The following STX3 variants were observed in gnomAD, a reference collection of about 807,000 sequenced individuals.
STX3 encodes the protein syntaxin-3.
Under a neutral mutation model 40.2 loss-of-function variants are expected in STX3, and 19 were observed. The observed-to-expected ratio is 0.47, with a 90% CI of 0.33 to 0.69. The LOEUF (loss-of-function observed/expected upper bound fraction) is 0.69. STX3 is among the 30% of genes least tolerant of loss of function. The probability of loss-of-function intolerance (pLI) is 0.02; values close to 1 mark genes in which losing one functional copy is unlikely to be tolerated. For missense variants in STX3, 364 were observed against 366.7 expected, an observed-to-expected ratio of 0.99 and a Z score of 0.06; for synonymous variants, 122 against 132.2, an observed-to-expected ratio of 0.92 and a Z score of 0.53.
chr11:59,793,075 C>T (rs375516081), intron 6 of STX3, 24 bp from the exon 7 acceptor site: 63 of 1,610,244 alleles, frequency 3.9e-5, no homozygotes, highest in Admixed American at 2.5e-4. Context: ...TTATATTTGA[C>T]GCTCTACTTC....
At chr11:59,767,339 T>C (rs1481403828) in intron 1 of STX3, among the ~76,000 whole-genome samples, 1 of 152,188 alleles carries the variant, frequency 6.6e-6, no homozygotes, top group Non-Finnish European at 1.5e-5. Context: ...TTGTGTTTTT[T>C]ATTGTGGCTG....
chr11:59,800,554 G>A, intron 10 of STX3: 1 of 985,418 alleles, frequency 1.0e-6, no homozygotes, highest in Non-Finnish European at 1.2e-6. Context: ...TGTGGGACCT[G>A]CAGAGCAGGT....
At position 59,755,389 on chromosome 11, in the gene STX3, G is replaced by C. The variant is rs911417277; in HGVS notation, c.-217G>C. ...GGCCCGGGAGCCGGATTTGGAGCGCGAGGCGCCGGTGGGGGCGGAGGGGGC... is the reference window on the plus strand; with the variant it reads ...GGCCCGGGAGCCGGATTTGGAGCGCCAGGCGCCGGTGGGGGCGGAGGGGGC... On this transcript the variant is annotated 5_prime_UTR_variant, in exon 1 of 11. Coordinates refer to ENST00000337979, the MANE Select transcript of STX3 (RefSeq NM_004177.5). 4 of 378,980 alleles carry C rather than the reference G, an allele frequency of 1.1e-5. No individual in the cohort carries two copies. The Admixed American group carries it at 1.4e-4, about 14-fold the overall frequency. The allele number at this position is 378,980 out of a possible 1,614,324, so 23.5% of individuals were successfully genotyped here.
chr11:59,774,698 G>A (rs1442590358), intron 2 of STX3, among the ~76,000 whole-genome samples: 1 of 152,074 alleles, frequency 6.6e-6, no homozygotes, highest in South Asian at 2.1e-4. Flanking sequence ...GGGTGTGGTG[G>A]TGGGCACCTG....
intron 6 of STX3, among the ~76,000 whole-genome samples, chr11:59,792,473 G>T (rs1471770250): frequency 1.3e-5 from 2 of 152,168 alleles, no homozygotes; most frequent in African/African-American, 4.8e-5. Context: ...CCAAACAGTT[G>T]CTCTCTTGTG....
intron 2 of STX3, among the ~76,000 whole-genome samples, chr11:59,785,897 A>T (rs971443277): frequency 5.3e-5 from 8 of 152,288 alleles, no homozygotes; most frequent in Non-Finnish European, 5.9e-5. Flanking sequence ...CCCTGTACAT[A>T]GGCTTCCACT....
chr11:59,781,778 G>A, intron 2 of STX3: 2 of 1,516,940 alleles, frequency 1.3e-6, no homozygotes, highest in Non-Finnish European at 1.8e-6. Flanking sequence ...AAGCAAAGAA[G>A]CAAACAAATT....
chr11:59,793,831 A>T, intron 8 of STX3, among the ~76,000 whole-genome samples: 1 of 144,388 alleles, frequency 6.9e-6, no homozygotes, highest in African/African-American at 2.6e-5. Flanking sequence ...TTTAAGATGG[A>T]GTATTGCTCT....
In STX3 at chr11:59,773,304, C is replaced by T. The variant is rs1250840380; in HGVS notation, c.114+10C>T. On this transcript the variant is annotated intron_variant, in intron 2 of 10. Coordinates refer to ENST00000337979, the MANE Select transcript of STX3 (RefSeq NM_004177.5). ...CGAGTTCTTTTCTGAGGTAGGCAAC[C>T]TTCCTGTATTTTTTTCTAAATGTAC... 1.2e-6 allele frequency: 2 copies of T among 1,613,396 alleles called. No homozygotes were observed. The highest frequency in any genetic ancestry group is 1.3e-5 in the African/African-American group (1 of 74,870).
chr11:59,801,588 T>C lies in STX3; in HGVS notation c.*764T>C, dbSNP rs759914869. ...TGTCTGAGTCTTAGAAACTGGCTGC[T>C]CATTGTTAGAAAGTGATGCTTTGTG... On this transcript the variant is annotated 3_prime_UTR_variant, in exon 11 of 11. Transcript: ENST00000337979. 15 of 985,470 alleles carry C rather than the reference T, an allele frequency of 1.5e-5. No homozygotes were observed. The highest frequency in any genetic ancestry group is 1.8e-5 in the Non-Finnish European group (15 of 829,926). The allele number at this position is 985,470 out of a possible 1,614,324, so 61.0% of individuals were successfully genotyped here.
intron 8 of STX3, 129 bp from the exon 9 acceptor site, chr11:59,795,243 G>T: frequency 7.1e-6 from 5 of 704,280 alleles, no homozygotes; most frequent in Non-Finnish European, 9.6e-6. Context: ...TCCTATGGAA[G>T]GCCATGCATC....
chr11:59,779,214 A>G (rs1181408265), intron 2 of STX3, among the ~76,000 whole-genome samples: 1 of 152,200 alleles, frequency 6.6e-6, no homozygotes, highest in Non-Finnish European at 1.5e-5. Context: ...CTTATAAACA[A>G]TAAGAATGTG....
At chr11:59,783,685 A>C (rs1864567980) in intron 2 of STX3, among the ~76,000 whole-genome samples, 1 of 152,180 alleles carries the variant, frequency 6.6e-6, no homozygotes, top group Admixed American at 6.5e-5. Context: ...GCAAATGCAC[A>C]AAAGGAAACC....
Position 59,796,341 on chromosome 11 carries a change from G to A in STX3, c.786+859G>A, listed in dbSNP as rs538423216. ...GCCCCTGCCGCTTAAGGACTTCTAG[G>A]CTTCTGTGCTCACGACTGTGGTTAT... On this transcript the variant is annotated intron_variant, in intron 9 of 10. Coordinates refer to ENST00000337979, the MANE Select transcript of STX3 (RefSeq NM_004177.5). Among the ~76,000 whole-genome samples the A allele has an allele frequency of 4.6e-5, 7 of 152,268 alleles. No individual in the cohort carries two copies. In the East Asian group the frequency reaches 5.8e-4, roughly 13 times the overall value.
chr11:59,790,552 G>C lies in STX3; in HGVS notation c.323G>C (p.Arg108Thr). The C allele has an allele frequency of 6.2e-7, 1 of 1,614,116 alleles. No homozygotes were observed. Residue 108 changes from arginine to threonine, a missense_variant, in exon 5 of 11, where the codon AGG (arginine) becomes ACG (threonine). Transcript: ENST00000337979. ...AAGCATATTGAAGAAGATGAGGTCA[G>C]GTCATCGGCAGACCTTCGGATTCGG... ...MEKHIEEDEV[R>T]SSADLRIRKS...
intron 1 of STX3, among the ~76,000 whole-genome samples, chr11:59,756,309 G>C (rs1415920243): frequency 2.0e-5 from 3 of 152,142 alleles, no homozygotes; most frequent in African/African-American, 7.2e-5. Context: ...CTATCAAATG[G>C]GAATGATCAT....
intron 3 of STX3, among the ~76,000 whole-genome samples, chr11:59,787,371 C>G (rs1864845616): frequency 6.6e-6 from 1 of 152,136 alleles, no homozygotes; most frequent in African/African-American, 2.4e-5. Flanking sequence ...TTTCCTGTTT[C>G]CCAGCTAGTC....
chr11:59,760,380 G>C (rs1862966286), intron 1 of STX3, among the ~76,000 whole-genome samples: 1 of 150,822 alleles, frequency 6.6e-6, no homozygotes, highest in African/African-American at 2.4e-5. Context: ...CAGCTCTCAC[G>C]GGGTGCATGT....
At chr11:59,789,749 A>G (rs1864999448) in intron 4 of STX3, among the ~76,000 whole-genome samples, 1 of 152,108 alleles carries the variant, frequency 6.6e-6, no homozygotes, top group African/African-American at 2.4e-5. Flanking sequence ...GGCCACCTAC[A>G]TACATTTGAA....
Sources: gnomAD v4.1 joint callset for allele counts (sites outside exome capture counted in the v4.1 genomes callset) on GRCh38, gnomAD v4.1.1 for gene constraint, MANE v1.5 for transcripts, NCBI Gene and HGNC (gene_info 2026-07-23, HGNC 2026-07-21) for gene names.